Variants in IL16 observed in about 807,000 individuals in gnomAD.
IL16 encodes pro-interleukin-16.
IL16 carries 67 observed loss-of-function variants against 110.1 expected under a neutral mutation model. The ratio of observed to expected loss-of-function variants is 0.61; its 90% CI spans 0.50 to 0.75. The LOEUF (loss-of-function observed/expected upper bound fraction) is 0.75. Ranked by LOEUF, IL16 falls within the 30% of genes least tolerant of loss-of-function variation. The pLI is 0.00. For missense variants in IL16, 1,545 were observed against 1,655.0 expected (o/e 0.93, Z 1.15); for synonymous variants, 689 against 662.9 (o/e 1.04, Z -0.61).
At position 81,247,444 on chromosome 15, in the gene IL16, T is replaced by A. The variant is rs117970259; in HGVS notation, c.313-12328T>A. Among the ~76,000 whole-genome samples, 279 of 152,346 alleles carry A rather than the reference T, an allele frequency of 1.8e-3. 5 individuals carry two copies. In the East Asian group the frequency reaches 0.052, roughly 29 times the overall value. Reference sequence around the variant, plus strand: ...CATGAGTTATTTGGAGGTATGTTTCTTGATTTTCAAATATGTAGTTATTTT... The same window carrying A: ...CATGAGTTATTTGGAGGTATGTTTCATGATTTTCAAATATGTAGTTATTTT... On this transcript the variant is annotated intron_variant, in intron 2 of 18. Coordinates refer to ENST00000683961, the MANE Select transcript of IL16 (RefSeq NM_172217.5).
intron 11 of IL16, chr15:81,291,869 T>C (rs1270589461): frequency 2.2e-6 from 1 of 455,370 alleles, no homozygotes; most frequent in Non-Finnish European, 4.4e-6. Context: ...CTGTCTTTGT[T>C]ATTGAGCCTC....
intron 2 of IL16, among the ~76,000 whole-genome samples, chr15:81,239,088 A>G (rs949147982): frequency 9.3e-5 from 14 of 151,348 alleles, no homozygotes; most frequent in Non-Finnish European, 1.6e-4. Flanking sequence ...AAGTTTAATT[A>G]TGATGTATCT....
At chr15:81,289,537 G>C (rs570172634) in intron 10 of IL16, among the ~76,000 whole-genome samples, 1 of 152,314 alleles carries the variant, frequency 6.6e-6, no homozygotes, top group Admixed American at 6.5e-5. Flanking sequence ...TAGTGATGTT[G>C]AGCATTTTTT....
chr15:81,207,843 GTTTTT>G (rs59889952), intron 1 of IL16, among the ~76,000 whole-genome samples: 12,703 of 143,390 alleles, frequency 0.089, 536 homozygotes, highest in Middle Eastern at 0.11. Context: ...GTGCATGTGG[GTTTTT>G]TTTTTTTTTG....
chr15:81,277,889 G>A (rs1473846311), intron 6 of IL16, among the ~76,000 whole-genome samples: 2 of 152,136 alleles, frequency 1.3e-5, no homozygotes, highest in Non-Finnish European at 2.9e-5. Context: ...AGTGCTCCCT[G>A]TTTGTGTATT....
Position 81,197,034 on chromosome 15 carries a change from C to G in IL16, c.-220C>G, listed in dbSNP as rs190196640. 690 of 1,288,540 alleles carry G rather than the reference C, an allele frequency of 5.4e-4. No homozygotes were observed. The highest frequency in any genetic ancestry group is 6.7e-4 in the Non-Finnish European group (661 of 988,452). 79.8% of individuals were successfully genotyped at this position (1,288,540 alleles called of 1,614,324 possible). ...AATCCTTGCCGGCTCTGACCCAGGCCTGGGCCACAGGCTGTCCGGGAATAA... is the reference window on the plus strand; with the variant it reads ...AATCCTTGCCGGCTCTGACCCAGGCGTGGGCCACAGGCTGTCCGGGAATAA... On this transcript the variant is annotated 5_prime_UTR_variant, in exon 1 of 19. Transcript: ENST00000683961.
chr15:81,280,564 G>A (rs1176284746), intron 8 of IL16, among the ~76,000 whole-genome samples: 1 of 152,230 alleles, frequency 6.6e-6, no homozygotes, highest in East Asian at 1.9e-4. Context: ...TGTGACAAAA[G>A]TAGAGGCTTG....
intron 6 of IL16, among the ~76,000 whole-genome samples, chr15:81,273,436 A>C (rs1898740002): frequency 6.6e-6 from 1 of 152,028 alleles, no homozygotes. Flanking sequence ...TGGCACCGTT[A>C]CCCCTTAGCT....
intron 6 of IL16, among the ~76,000 whole-genome samples, chr15:81,274,195 A>T (rs1442190298): frequency 1.3e-5 from 2 of 152,222 alleles, no homozygotes; most frequent in African/African-American, 4.8e-5. Context: ...TGCTTAGGGC[A>T]GGGTAGGCAC....
At chr15:81,265,513 C>A in intron 3 of IL16, 146 bp from the exon 4 acceptor site, 1 of 813,948 alleles carries the variant, frequency 1.2e-6, no homozygotes, top group Non-Finnish European at 1.9e-6. Flanking sequence ...GCGGCCACCT[C>A]TCCCCACCAC....
chr15:81,260,320 T>A (rs1596003860), intron 3 of IL16, among the ~76,000 whole-genome samples: 1 of 152,292 alleles, frequency 6.6e-6, no homozygotes, highest in Non-Finnish European at 1.5e-5. Flanking sequence ...TCACACCAAA[T>A]CATAATATTA....
chr15:81,205,176 C>T (rs193075131), intron 1 of IL16, among the ~76,000 whole-genome samples: 2 of 151,918 alleles, frequency 1.3e-5, no homozygotes, highest in Non-Finnish European at 1.5e-5. Context: ...CATAGTGGCA[C>T]GTGCCTGTCA....
At chr15:81,306,813 T>A in intron 18 of IL16, 1 of 488,398 alleles carries the variant, frequency 2.0e-6, no homozygotes, top group East Asian at 4.1e-5. Flanking sequence ...GCCAGGACTC[T>A]AGAGTGGGGC....
chr15:81,216,546 A>G (rs1189370347), intron 1 of IL16, among the ~76,000 whole-genome samples: 3 of 152,000 alleles, frequency 2.0e-5, no homozygotes, highest in Non-Finnish European at 4.4e-5. Context: ...CAGTGGGAGC[A>G]ACACATCCTG....
intron 1 of IL16, among the ~76,000 whole-genome samples, chr15:81,184,606 G>A (rs984090934): frequency 2.0e-5 from 3 of 152,192 alleles, no homozygotes; most frequent in Admixed American, 6.5e-5. Flanking sequence ...GTCAGCTGTG[G>A]GAATGAACAC....
chr15:81,191,551 G>T (rs768574344), intron 1 of IL16, among the ~76,000 whole-genome samples: 1 of 152,186 alleles, frequency 6.6e-6, no homozygotes, highest in Non-Finnish European at 1.5e-5. Flanking sequence ...TCCCTGTGTG[G>T]GACCTAGATG....
intron 1 of IL16, among the ~76,000 whole-genome samples, chr15:81,185,372 T>C (rs1028821362): frequency 6.6e-6 from 1 of 151,334 alleles, no homozygotes; most frequent in Non-Finnish European, 1.5e-5. Context: ...CCTTTTTTTT[T>C]TTTTGACAGG....
intron 1 of IL16, among the ~76,000 whole-genome samples, chr15:81,218,626 G>A (rs774618144): frequency 5.3e-5 from 8 of 152,120 alleles, no homozygotes; most frequent in Non-Finnish European, 1.0e-4. Context: ...TACGCAGAAA[G>A]GAAAGACTCC....
chr15:81,233,504 GA>G (rs1436356154), intron 2 of IL16, among the ~76,000 whole-genome samples: 1 of 147,400 alleles, frequency 6.8e-6, no homozygotes, highest in Non-Finnish European at 1.5e-5. Flanking sequence ...TGTCTTGATT[GA>G]TTCCTAGACT....
Sources: allele counts gnomAD v4.1 joint callset (sites outside exome capture counted in the v4.1 genomes callset), GRCh38; gene constraint gnomAD v4.1.1; transcripts MANE v1.5; gene names NCBI Gene and HGNC (gene_info 2026-07-23, HGNC 2026-07-21).